The following CCDC6 variants were observed in gnomAD, a reference collection of about 807,000 sequenced individuals.
The protein encoded by CCDC6 is coiled-coil domain-containing protein 6.
Under a neutral mutation model 56.6 loss-of-function variants are expected in CCDC6, and 20 were observed. The ratio of observed to expected loss-of-function variants is 0.35; its 90% CI spans 0.25 to 0.51. The LOEUF (loss-of-function observed/expected upper bound fraction) is 0.51. CCDC6 is among the 20% of genes least tolerant of loss of function. The pLI, the probability that CCDC6 is intolerant of heterozygous loss-of-function variation, is 0.95. For missense variants in CCDC6, 367 were observed against 601.1 expected, an observed-to-expected ratio of 0.61 and a Z score of 4.07; for synonymous variants, 241 against 234.4, an observed-to-expected ratio of 1.03 and a Z score of -0.26.
intron 1 of CCDC6, among the ~76,000 whole-genome samples, chr10:59,868,101 CT>C (rs2071192773): frequency 1.3e-5 from 2 of 152,202 alleles, no homozygotes; most frequent in Admixed American, 1.3e-4. Flanking sequence ...TGATTGAGAC[CT>C]GCTTCACAGG....
rs1489106652 is a variant in CCDC6 at position 59,789,359 on chromosome 10, TAATCAGA to T, written c.*3551_*3557del. The T allele has an allele frequency of 4.3e-6, 1 of 230,600 alleles. No individual in the cohort carries two copies. Among genetic ancestry groups the T allele is most frequent in the Non-Finnish European group, 8.6e-6 (1 of 116,552 alleles). 14.3% of individuals were successfully genotyped at this position (230,600 alleles called of 1,614,324 possible). ...TGAGAGGCAACCTGGGCTTGGCAGT[TAATCAGA>T]ACTGCTGAGCATTCCAGAAAATGCC... On this transcript the variant is annotated 3_prime_UTR_variant, in exon 9 of 9. Coordinates refer to ENST00000263102, the MANE Select transcript of CCDC6 (RefSeq NM_005436.5).
At chr10:59,832,477 G>A in intron 3 of CCDC6, 48 bp downstream of exon 3, 1 of 1,563,026 alleles carries the variant, frequency 6.4e-7, no homozygotes, top group Non-Finnish European at 8.7e-7. Flanking sequence ...AAAAGAACAA[G>A]CTGAGAACGA....
chr10:59,887,575 T>G (rs2071392010), intron 1 of CCDC6, among the ~76,000 whole-genome samples: 1 of 151,756 alleles, frequency 6.6e-6, no homozygotes, highest in South Asian at 2.1e-4. Flanking sequence ...CCACCTTTTG[T>G]GTTAAAGGGA....
intron 3 of CCDC6, among the ~76,000 whole-genome samples, chr10:59,815,083 T>G (rs1227422267): frequency 6.6e-6 from 1 of 152,164 alleles, no homozygotes; most frequent in Middle Eastern, 3.2e-3. Flanking sequence ...TTTCTGGGCT[T>G]GTCCCTTACA....
At chr10:59,873,583 T>C (rs1418762562) in intron 1 of CCDC6, among the ~76,000 whole-genome samples, 1 of 152,164 alleles carries the variant, frequency 6.6e-6, no homozygotes, top group Non-Finnish European at 1.5e-5. Flanking sequence ...CTGTGAAACA[T>C]TGTTACAACA....
chr10:59,847,817 CTTTTTTTTTTTT>C (rs757902015), intron 2 of CCDC6, among the ~76,000 whole-genome samples: 2 of 104,862 alleles, frequency 1.9e-5, no homozygotes, highest in Non-Finnish European at 3.7e-5. Context: ...GCCTTTTAGA[CTTTTTTTTTTTT>C]TTTTTTTTTT....
At chr10:59,807,670 A>G (rs2070638008) in intron 5 of CCDC6, among the ~76,000 whole-genome samples, 1 of 152,208 alleles carries the variant, frequency 6.6e-6, no homozygotes, top group African/African-American at 2.4e-5. Flanking sequence ...AAAGTGCTTT[A>G]AGTAGAAGAG....
At chr10:59,802,121 A>C (rs1479572854) in intron 7 of CCDC6, among the ~76,000 whole-genome samples, 3 of 152,178 alleles carry the variant, frequency 2.0e-5, no homozygotes, top group Non-Finnish European at 4.4e-5. Context: ...TACTGCATAA[A>C]ATGATGGACA....
In CCDC6 at chr10:59,796,571, G is replaced by A. The variant is rs1404301166; in HGVS notation, c.1106-1974C>T. Among the ~76,000 whole-genome samples the A allele has an allele frequency of 7.2e-5, 11 of 152,164 alleles. 1 individual carries two copies. Among genetic ancestry groups the A allele is most frequent in the Non-Finnish European group, 1.0e-4 (7 of 68,032 alleles). ...AAGATTAAAACTAGAAGTACCACAT[G>A]ATCTAGCAATCCCACTTCTGGGTAT... On this transcript the variant is annotated intron_variant, in intron 7 of 8. Coordinates refer to ENST00000263102, the MANE Select transcript of CCDC6 (RefSeq NM_005436.5).
intron 1 of CCDC6, among the ~76,000 whole-genome samples, chr10:59,879,186 C>A (rs1315217110): frequency 6.6e-6 from 1 of 152,164 alleles, no homozygotes; most frequent in Non-Finnish European, 1.5e-5. Context: ...GCAGTCCACA[C>A]AAGGCAACCC....
At chr10:59,803,311 C>G (rs946853236) in intron 7 of CCDC6, among the ~76,000 whole-genome samples, 1 of 151,692 alleles carries the variant, frequency 6.6e-6, no homozygotes, top group African/African-American at 2.4e-5. Flanking sequence ...TTTTGATTGC[C>G]TCCTCTTAAA....
intron 5 of CCDC6, among the ~76,000 whole-genome samples, chr10:59,810,225 G>A (rs1206647448): frequency 1.3e-5 from 2 of 152,208 alleles, no homozygotes; most frequent in Non-Finnish European, 2.9e-5. Flanking sequence ...CTAACCTAAG[G>A]AGAATGCAAG....
intron 1 of CCDC6, among the ~76,000 whole-genome samples, chr10:59,876,887 T>C (rs530382958): frequency 3.9e-5 from 6 of 152,262 alleles, no homozygotes; most frequent in Admixed American, 2.0e-4. Context: ...TGTTAGGTGA[T>C]TTCATCATTG....
In CCDC6 at chr10:59,791,038, C is replaced by T. The variant is rs1589030286; in HGVS notation, c.*1879G>A. On this transcript the variant is annotated 3_prime_UTR_variant, in exon 9 of 9. Coordinates refer to ENST00000263102, the MANE Select transcript of CCDC6 (RefSeq NM_005436.5). ...AATTTGTTTGCCTACTCTCAGAATT[C>T]CTTGGAATGGCAATGTACCAGGAGG... The T allele has an allele frequency of 4.8e-6, 1 of 209,120 alleles. No homozygotes were observed. The allele number at this position is 209,120 out of a possible 1,614,324, so 13.0% of individuals were successfully genotyped here. A position where few individuals can be genotyped will look rare whatever the true frequency, so the allele number is the denominator to read the frequency against.
chr10:59,873,322 T>A (rs776013438), intron 1 of CCDC6, among the ~76,000 whole-genome samples: 24 of 152,040 alleles, frequency 1.6e-4, no homozygotes, highest in Non-Finnish European at 3.4e-4. Context: ...GCTGTCCTTA[T>A]AAGAAGGGAA....
At chr10:59,830,479 C>G (rs2070826074) in intron 3 of CCDC6, among the ~76,000 whole-genome samples, 1 of 152,118 alleles carries the variant, frequency 6.6e-6, no homozygotes, top group African/African-American at 2.4e-5. Context: ...ACACCCAAAG[C>G]AAAGTGGGGG....
At chr10:59,873,276 T>C (rs983608642) in intron 1 of CCDC6, among the ~76,000 whole-genome samples, 1 of 152,134 alleles carries the variant, frequency 6.6e-6, no homozygotes, top group Non-Finnish European at 1.5e-5. Flanking sequence ...CAAGCTAAGA[T>C]GAGATCACTG....
intron 7 of CCDC6, among the ~76,000 whole-genome samples, chr10:59,803,981 A>G (rs2070597991): frequency 6.6e-6 from 1 of 152,196 alleles, no homozygotes; most frequent in South Asian, 2.1e-4. Flanking sequence ...TCATTTTAAC[A>G]TGGGGAAAAT....
intron 1 of CCDC6, among the ~76,000 whole-genome samples, chr10:59,859,827 G>C (rs1193915649): frequency 6.6e-6 from 1 of 152,172 alleles, no homozygotes; most frequent in Non-Finnish European, 1.5e-5. Flanking sequence ...CTCTTTGGGA[G>C]GCTGAGGCGG....
Sources: allele counts gnomAD v4.1 joint callset (sites outside exome capture counted in the v4.1 genomes callset), GRCh38; gene constraint gnomAD v4.1.1; transcripts MANE v1.5; gene names NCBI Gene and HGNC (gene_info 2026-07-23, HGNC 2026-07-21).